The following PARD3B variants were observed in gnomAD, a reference collection of about 807,000 sequenced individuals.
PARD3B encodes the protein partitioning defective 3 homolog B.
PARD3B carries 103 observed loss-of-function variants against 130.2 expected under a neutral mutation model. That is an observed-to-expected ratio of 0.79 (90% CI 0.67 to 0.93). PARD3B has a LOEUF of 0.93. Among genes scored for constraint, PARD3B ranks in the 40% least tolerant of loss-of-function variants. The pLI, the probability that PARD3B is intolerant of heterozygous loss-of-function variation, is 0.00. For missense variants in PARD3B, 1,609 were observed against 1,499.2 expected (o/e 1.07, Z -1.21); for synonymous variants, 583 against 553.2 (o/e 1.05, Z -0.76).
chr2:205,087,078 C>A (rs765961014), intron 4 of PARD3B, among the ~76,000 whole-genome samples: 1 of 152,088 alleles, frequency 6.6e-6, no homozygotes, highest in African/African-American at 2.4e-5. Flanking sequence ...ATTAATTAAG[C>A]ATTTTTATTT....
At chr2:204,859,155 T>C (rs1406205235) in intron 2 of PARD3B, among the ~76,000 whole-genome samples, 1 of 152,142 alleles carries the variant, frequency 6.6e-6, no homozygotes, top group Admixed American at 6.5e-5. Flanking sequence ...ATTTTTTCTT[T>C]TCTTTTTTCT....
intron 22 of PARD3B, among the ~76,000 whole-genome samples, chr2:205,579,321 G>C (rs932732374): frequency 3.3e-5 from 5 of 152,082 alleles, no homozygotes; most frequent in Admixed American, 6.5e-5. Flanking sequence ...GCTTTTCCTG[G>C]CTCTCTCATC....
intron 2 of PARD3B, among the ~76,000 whole-genome samples, chr2:204,766,097 C>A: frequency 6.6e-6 from 1 of 152,096 alleles, no homozygotes; most frequent in East Asian, 1.9e-4. Flanking sequence ...ACTTTTAAGG[C>A]AATTCTATAT....
intron 1 of PARD3B, 30 bp from the exon 2 acceptor site, chr2:204,686,151 G>A (rs768525266): frequency 4.9e-6 from 7 of 1,415,512 alleles, no homozygotes; most frequent in Middle Eastern, 1.7e-4. Flanking sequence ...CATAGATTAG[G>A]TCATTAAACT....
chr2:204,729,998 AACAC>A (rs3036396), intron 2 of PARD3B, among the ~76,000 whole-genome samples: 7,715 of 141,402 alleles, frequency 0.055, 396 homozygotes, highest in African/African-American at 0.14. Context: ...CACACACACA[AACAC>A]ACACACACAC....
intron 11 of PARD3B, among the ~76,000 whole-genome samples, chr2:205,167,972 G>T (rs1008471903): frequency 6.6e-6 from 1 of 152,204 alleles, no homozygotes; most frequent in African/African-American, 2.4e-5. Context: ...CTTGTCTCCT[G>T]GTCCTCTGTG....
chr2:205,350,253 G>A (rs1010211763), intron 18 of PARD3B, among the ~76,000 whole-genome samples: 1 of 152,162 alleles, frequency 6.6e-6, no homozygotes, highest in Non-Finnish European at 1.5e-5. Context: ...ATTATGAGGA[G>A]ATGAATTGGA....
At chr2:205,055,918 C>T (rs764083473) in intron 4 of PARD3B, among the ~76,000 whole-genome samples, 5 of 152,098 alleles carry the variant, frequency 3.3e-5, no homozygotes, top group Non-Finnish European at 5.9e-5. Context: ...TATGTGTGTA[C>T]CCTTACCCTC....
intron 1 of PARD3B, among the ~76,000 whole-genome samples, chr2:204,596,841 C>T (rs1156346805): frequency 7.9e-5 from 12 of 151,666 alleles, no homozygotes; most frequent in Non-Finnish European, 1.2e-4. Flanking sequence ...TTGCTTGAAC[C>T]CGGGAGGCAG....
intron 18 of PARD3B, among the ~76,000 whole-genome samples, chr2:205,396,317 C>T (rs1435792581): frequency 2.0e-5 from 3 of 152,184 alleles, no homozygotes; most frequent in African/African-American, 7.2e-5. Context: ...ATGTAAATTT[C>T]ATGACGATAT....
chr2:204,746,937 T>C (rs1290888837), intron 2 of PARD3B, among the ~76,000 whole-genome samples: 4 of 152,258 alleles, frequency 2.6e-5, no homozygotes, highest in East Asian at 1.9e-4. Context: ...TGCCTGTTCA[T>C]TCTGATGGTA....
intron 11 of PARD3B, among the ~76,000 whole-genome samples, chr2:205,169,878 A>G (rs2035047536): frequency 1.3e-5 from 2 of 151,572 alleles, no homozygotes. Flanking sequence ...CTCCAGTTAT[A>G]TCTCACATCA....
At chr2:204,748,066 A>G (rs1405807434) in intron 2 of PARD3B, among the ~76,000 whole-genome samples, 2 of 152,036 alleles carry the variant, frequency 1.3e-5, no homozygotes, top group African/African-American at 4.8e-5. Context: ...AAATATAATA[A>G]TATATTTTAT....
chr2:204,740,178 ATCT>A (rs745350472), intron 2 of PARD3B, among the ~76,000 whole-genome samples: 4 of 150,252 alleles, frequency 2.7e-5, no homozygotes, highest in Admixed American at 6.6e-5. Flanking sequence ...TGCCTGGCTA[ATCT>A]TTTTTTTTTT....
chr2:205,304,605 C>T (rs150181065), intron 18 of PARD3B, among the ~76,000 whole-genome samples: 6,104 of 145,478 alleles, frequency 0.042, 381 homozygotes, highest in African/African-American at 0.14. Flanking sequence ...ATTGTACTCC[C>T]GCCTGGGCAA....
At chr2:205,555,612 CG>C (rs1559212644) in intron 22 of PARD3B, among the ~76,000 whole-genome samples, 2 of 152,048 alleles carry the variant, frequency 1.3e-5, no homozygotes, top group African/African-American at 4.8e-5. Flanking sequence ...GACAAAATCC[CG>C]CCAGCCCCAG....
rs1559637274 is a variant in PARD3B at position 205,300,747 on chromosome 2, A to T, written c.2392+11A>T. The T allele has an allele frequency of 6.2e-7, 1 of 1,601,664 alleles. No homozygotes were observed. The highest frequency in any genetic ancestry group is 8.5e-7 in the Non-Finnish European group (1 of 1,169,800). ...AAGAAATAGAAGCTGGTAGGATGAT[A>T]TGCTTCCTTAAATGGCTTCTTCATC... On this transcript the variant is annotated intron_variant, in intron 17 of 22. Transcript: ENST00000406610. This position sits in a 1 kb window ranked among gnomAD's most constrained non-coding sequence, Gnocchi z 4.1.
rs1215472400 is a variant in PARD3B at position 204,761,553 on chromosome 2, G to GT, written c.222+75280dup. Reference sequence around the variant, plus strand: ...CCATTTATTAAATTCACCCATAGTTGTTTTTTTTTAAATAAGGGGAGCTTG... The same window carrying GT: ...CCATTTATTAAATTCACCCATAGTTGTTTTTTTTTTAAATAAGGGGAGCTTG... On this transcript the variant is annotated intron_variant, in intron 2 of 22. Coordinates refer to ENST00000406610, the MANE Select transcript of PARD3B (RefSeq NM_001302769.2). Among the ~76,000 whole-genome samples, 618 of 146,660 alleles carry GT rather than the reference G, an allele frequency of 4.2e-3. 1 individual carries two copies. Among genetic ancestry groups the GT allele is most frequent in the Middle Eastern group, 0.014 (4 of 280 alleles).
chr2:205,166,426 C>T (rs1358506094), intron 11 of PARD3B, among the ~76,000 whole-genome samples: 1 of 152,102 alleles, frequency 6.6e-6, no homozygotes, highest in Non-Finnish European at 1.5e-5. Context: ...GTATGTACAC[C>T]AAAGTACAGT....
Sources: allele counts gnomAD v4.1 joint callset (sites outside exome capture counted in the v4.1 genomes callset), GRCh38; gene constraint gnomAD v4.1.1; non-coding constraint Gnocchi (gnomAD v3.1); transcripts MANE v1.5; gene names NCBI Gene and HGNC (gene_info 2026-07-23, HGNC 2026-07-21).